COL4A5: variants seen among roughly 807,000 people sequenced by gnomAD.
The protein encoded by COL4A5 is collagen type IV alpha 5 chain.
A neutral mutation model predicts 130.2 loss-of-function variants in COL4A5; 26 were observed. That is an observed-to-expected ratio of 0.20 (90% CI 0.15 to 0.28). The LOEUF is 0.28. COL4A5 is among the 10% of genes least tolerant of loss of function. The pLI is 1.00. For missense variants in COL4A5, 1,131 were observed against 1,344.3 expected, an observed-to-expected ratio of 0.84 and a Z score of 2.48; for synonymous variants, 496 against 439.6, an observed-to-expected ratio of 1.13 and a Z score of -1.60.
At chrX:108,555,263 T>G (rs28687408) in intron 2 of COL4A5, among the ~76,000 whole-genome samples, 2 of 112,105 alleles carry the variant, frequency 1.8e-5, no homozygotes, top group Non-Finnish European at 3.8e-5. Context: ...TTTAATAAGG[T>G]CTCCAAGTGG....
At chrX:108,613,875 T>C (rs1416204830) in intron 29 of COL4A5, among the ~76,000 whole-genome samples, 4 of 112,048 alleles carry the variant, frequency 3.6e-5, no homozygotes, top group East Asian at 2.8e-4. Flanking sequence ...AAAAACAGTT[T>C]GACAATTTCT....
At position 108,680,703 on chromosome X, in the gene COL4A5, A is replaced by C; in HGVS notation, c.3967A>C (p.Asn1323His). The change falls in exon 45 of 53, where the codon AAT (asparagine) becomes CAT (histidine). Residue 1323 changes from asparagine to histidine, a missense_variant. Transcript: ENST00000328300. Reference protein sequence around the residue: ...LQGNPGRPGLNGMKGDPGLPG... With the variant: ...LQGNPGRPGLHGMKGDPGLPG... ...GGGTAATCCTGGCCGGCCGGGTCTC[A>C]ATGGAATGAAAGGAGATCCTGGTCT... The C allele has an allele frequency of 3.3e-6, 4 of 1,210,391 alleles. No homozygotes were observed. The highest frequency in any genetic ancestry group is 3.4e-6 in the Non-Finnish European group (3 of 894,656).
At chrX:108,630,894 T>G (rs1052818393) in intron 36 of COL4A5, among the ~76,000 whole-genome samples, 6 of 112,185 alleles carry the variant, frequency 5.3e-5, no homozygotes, top group African/African-American at 9.7e-5. Flanking sequence ...TCTCCCAGCA[T>G]CATTTATTAA....
Position 108,695,364 on chromosome X carries a change from G to A in COL4A5, c.4919G>A (p.Gly1640Glu), listed in dbSNP as rs2068717086. 8.3e-7 allele frequency: 1 copy of A among 1,209,586 alleles called. No individual in the cohort carries two copies. The highest frequency in any genetic ancestry group is 1.8e-5 in the African/African-American group (1 of 57,112). ...TCAGCTCCCTTCATCGAATGTCATG[G>A]GAGGGGTACCTGTAACTACTATGCC... ...FRSAPFIECH[G>E]RGTCNYYANS... Residue 1640 changes from glycine to glutamate, a missense_variant, in exon 52 of 53, where the codon GGG (glycine) becomes GAG (glutamate). Physicochemically the swap from Gly to Glu is moderately conservative, Grantham distance 98. Transcript: ENST00000328300.
At chrX:108,504,613 C>A (rs1277287699) in intron 1 of COL4A5, among the ~76,000 whole-genome samples, 1 of 112,136 alleles carries the variant, frequency 8.9e-6, no homozygotes, top group East Asian at 2.8e-4. Flanking sequence ...AGAAGGCATG[C>A]AAATGGCCAA....
chrX:108,648,624 T>A (rs974497990), intron 36 of COL4A5, among the ~76,000 whole-genome samples: 17 of 111,356 alleles, frequency 1.5e-4, no homozygotes, highest in Non-Finnish European at 2.8e-4. Context: ...ATAAACAGAA[T>A]TAAAAACAAA....
At chrX:108,464,088 C>T (rs757018487) in intron 1 of COL4A5, among the ~76,000 whole-genome samples, 2 of 111,301 alleles carry the variant, frequency 1.8e-5, no homozygotes, top group African/African-American at 3.3e-5. Context: ...TAATGCCTGG[C>T]GTAGAGTAAG....
Position 108,571,433 on chromosome X carries a change from C to T in COL4A5, c.405C>T (p.Gly135=), listed in dbSNP as rs370754104. The change falls in exon 7 of 53, where the codon GGC becomes GGT. Residue 135 remains glycine, a synonymous_variant. Coordinates refer to ENST00000328300, the MANE Select transcript of COL4A5 (RefSeq NM_033380.3). ...TCTAGGGAGAACGTGGATTTCCAGG[C>T]AGTCCCGGTTTTCCTGGTTTACAGG... The part of the protein sequence containing the change: ...NGTKGERGFP[G]SPGFPGLQGP... The T allele has an allele frequency of 1.7e-6, 2 of 1,202,595 alleles. No homozygotes were observed. The highest frequency in any genetic ancestry group is 2.2e-6 in the Non-Finnish European group (2 of 889,336).
At chrX:108,529,113 A>G (rs1401814041) in intron 1 of COL4A5, among the ~76,000 whole-genome samples, 2 of 111,971 alleles carry the variant, frequency 1.8e-5, no homozygotes, top group Non-Finnish European at 3.8e-5. Flanking sequence ...TTAACAGTGG[A>G]TTGCTCAGCA....
At chrX:108,497,416 A>G (rs1461296300) in intron 1 of COL4A5, among the ~76,000 whole-genome samples, 2 of 111,456 alleles carry the variant, frequency 1.8e-5, no homozygotes, top group Admixed American at 9.5e-5. Context: ...TGGTAACTCT[A>G]TGTGTAAACA....
intron 1 of COL4A5, among the ~76,000 whole-genome samples, chrX:108,518,859 G>C (rs895711401): frequency 9.0e-6 from 1 of 110,876 alleles, no homozygotes; most frequent in Admixed American, 9.7e-5. Flanking sequence ...TTTTAAGAAA[G>C]ACACTTATGA....
chrX:108,687,925 T>A (rs1292428046), intron 49 of COL4A5, among the ~76,000 whole-genome samples: 2 of 112,309 alleles, frequency 1.8e-5, no homozygotes, highest in African/African-American at 6.5e-5. Flanking sequence ...ATTCTTGGCC[T>A]AAAGCAGATC....
intron 1 of COL4A5, among the ~76,000 whole-genome samples, chrX:108,468,591 A>AT (rs373836224): frequency 3.3e-3 from 329 of 98,754 alleles, no homozygotes; most frequent in African/African-American, 0.011. Flanking sequence ...ATTTTGTCAG[A>AT]TTTTTTTTTT....
At chrX:108,634,085 C>A (rs73528371) in intron 36 of COL4A5, among the ~76,000 whole-genome samples, 1 of 110,571 alleles carries the variant, frequency 9.0e-6, no homozygotes, top group African/African-American at 3.3e-5. Flanking sequence ...TGCATCTGTT[C>A]AGTTCCTGCA....
chrX:108,555,571 A>C (rs778792459), intron 2 of COL4A5, among the ~76,000 whole-genome samples: 2 of 111,778 alleles, frequency 1.8e-5, no homozygotes, highest in South Asian at 3.7e-4. Context: ...AGTAATTTTA[A>C]TCTCAATTAT....
chrX:108,542,935 G>C (rs755129587), intron 2 of COL4A5, among the ~76,000 whole-genome samples: 1 of 108,289 alleles, frequency 9.2e-6, no homozygotes, highest in Non-Finnish European at 1.9e-5. Context: ...CATATCCTTT[G>C]CCCACTTTTT....
chrX:108,544,588 G>A (rs760987126), intron 2 of COL4A5, among the ~76,000 whole-genome samples: 9 of 111,274 alleles, frequency 8.1e-5, no homozygotes, highest in South Asian at 7.6e-4. Context: ...TTGTGTCTCT[G>A]CCAGGCTTTG....
At chrX:108,588,852 T>A (rs916618390) in intron 19 of COL4A5, among the ~76,000 whole-genome samples, 2 of 111,315 alleles carry the variant, frequency 1.8e-5, no homozygotes, top group African/African-American at 6.5e-5. Flanking sequence ...AAGGACAAAT[T>A]ACTATGAATT....
chrX:108,605,123 C>T (rs2066708105), intron 28 of COL4A5, among the ~76,000 whole-genome samples: 1 of 112,202 alleles, frequency 8.9e-6, no homozygotes, highest in Admixed American at 9.5e-5. Flanking sequence ...CCTTAAATAA[C>T]TTTTCCTTCA....
Sources: allele counts gnomAD v4.1 joint callset (sites outside exome capture counted in the v4.1 genomes callset), GRCh38; gene constraint gnomAD v4.1.1; transcripts MANE v1.5; gene names NCBI Gene and HGNC (gene_info 2026-07-23, HGNC 2026-07-21).